SLC25A28: variants seen among roughly 807,000 people sequenced by gnomAD.
The protein encoded by SLC25A28 is mitoferrin-2.
Under a neutral mutation model 31.9 loss-of-function variants are expected in SLC25A28, and 10 were observed. The ratio of observed to expected loss-of-function variants is 0.31; its 90% confidence interval spans 0.19 to 0.53. The LOEUF is 0.53. Among genes scored for constraint, SLC25A28 ranks in the 20% least tolerant of loss-of-function variants. The pLI is 0.95. For missense variants in SLC25A28, 256 were observed against 490.3 expected (o/e 0.52, Z 4.51); for synonymous variants, 208 against 203.6 (o/e 1.02, Z -0.19).
At chr10:99,645,111 G>T in the SLC25A28 span, among the ~76,000 whole-genome samples, 1 of 152,262 alleles carries the variant, frequency 6.6e-6, no homozygotes, top group East Asian at 1.9e-4. Context: ...GCCTTGCTAG[G>T]TTGGGGAAGT....
chr10:99,631,920 C>A, the SLC25A28 span, among the ~76,000 whole-genome samples: 1 of 103,636 alleles, frequency 9.6e-6, no homozygotes, highest in East Asian at 3.0e-4. Flanking sequence ...GACGGAGTCT[C>A]GCTCTGTCGC....
In SLC25A28 at chr10:99,610,589, G is replaced by A; in HGVS notation, c.*260C>T. ...GCTTATCCCTCTATAACAGTCTAGA[G>A]CAGGTCATCAGGCCCAGGATGGAGA... is the stretch of plus-strand genomic sequence containing the variant. On this transcript the variant is annotated 3_prime_UTR_variant, in exon 4 of 4. Coordinates refer to ENST00000370495, the MANE Select transcript of SLC25A28 (RefSeq NM_031212.4). 1 of 519,328 alleles carries A rather than the reference G, an allele frequency of 1.9e-6. No individual in the cohort carries two copies. The highest frequency in any genetic ancestry group is 3.5e-6 in the Non-Finnish European group (1 of 287,014). 32.2% of individuals were successfully genotyped at this position (519,328 alleles called of 1,614,324 possible). A position where few individuals can be genotyped will look rare whatever the true frequency, so the allele number is the denominator to read the frequency against.
upstream of SLC25A28, among the ~76,000 whole-genome samples, chr10:99,624,349 G>T (rs946334778): frequency 6.6e-6 from 1 of 151,574 alleles, no homozygotes; most frequent in Non-Finnish European, 1.5e-5. Context: ...TCTTGTCTCA[G>T]CTTCCCAAAG....
In SLC25A28 at chr10:99,613,880, G is replaced by T. The variant is rs1486520422; in HGVS notation, c.336C>A (p.Arg112=). The T allele has an allele frequency of 6.2e-7, 1 of 1,613,382 alleles. No individual in the cohort carries two copies. The highest frequency in any genetic ancestry group is 2.2e-5 in the East Asian group (1 of 44,878). The part of the protein sequence containing the change: ...SLQPDPAARY[R]NVLEALWRII... ...TCCTCCAGAGGGCCTCCAACACATTGCGATAGCGGGCAGCTGGGTCAGGCT... is the reference window on the plus strand; with the variant it reads ...TCCTCCAGAGGGCCTCCAACACATTTCGATAGCGGGCAGCTGGGTCAGGCT... The change falls in exon 2 of 4, where the codon CGC becomes CGA. Residue 112 remains arginine (R), a synonymous_variant. Coordinates refer to ENST00000370495, the MANE Select transcript of SLC25A28 (RefSeq NM_031212.4). This position sits in a 1 kb window ranked among gnomAD's most constrained non-coding sequence, Gnocchi z 4.9.
At chr10:99,622,681 C>A (rs2034818970), upstream of SLC25A28, 5 of 985,478 alleles carry the variant, frequency 5.1e-6, no homozygotes, top group Middle Eastern at 5.2e-4. Context: ...TTTTAGACAT[C>A]TCAGTCGCTT....
At chr10:99,648,175 T>TTA in the SLC25A28 span, among the ~76,000 whole-genome samples, 2 of 151,152 alleles carry the variant, frequency 1.3e-5, no homozygotes, top group African/African-American at 4.9e-5. Flanking sequence ...ATTTTTTTTT[T>TTA]TTGTAGTAGA....
chr10:99,645,611 C>T, the SLC25A28 span, among the ~76,000 whole-genome samples: 1 of 152,242 alleles, frequency 6.6e-6, no homozygotes, highest in African/African-American at 2.4e-5. Flanking sequence ...CGAGGAGCTG[C>T]TTTCCTTTGG....
At chr10:99,626,509 C>T in the SLC25A28 span, among the ~76,000 whole-genome samples, 3 of 152,300 alleles carry the variant, frequency 2.0e-5, no homozygotes, top group African/African-American at 7.2e-5. Context: ...TCCTTTCTCC[C>T]CTTTCTCAAT....
chr10:99,643,352 T>G, the SLC25A28 span, among the ~76,000 whole-genome samples: 1 of 152,136 alleles, frequency 6.6e-6, no homozygotes, highest in Non-Finnish European at 1.5e-5. Context: ...GTTTATTTCC[T>G]TAGAGGTGTT....
At chr10:99,624,143 C>T (rs1168107792), upstream of SLC25A28, among the ~76,000 whole-genome samples, 5 of 34,846 alleles carry the variant, frequency 1.4e-4, no homozygotes, top group Non-Finnish European at 2.2e-4. Flanking sequence ...CCTGTCTTCT[C>T]TTTTTCTTTC....
chr10:99,628,459 C>T, the SLC25A28 span, among the ~76,000 whole-genome samples: 3 of 152,184 alleles, frequency 2.0e-5, no homozygotes, highest in African/African-American at 4.8e-5. Context: ...GCAGTAAAAA[C>T]GTTTTCATTT....
chr10:99,645,966 GC>G, the SLC25A28 span, among the ~76,000 whole-genome samples: 1 of 152,174 alleles, frequency 6.6e-6, no homozygotes, highest in African/African-American at 2.4e-5. Flanking sequence ...GTGTCAGTCG[GC>G]CCCTACTGGG....
At chr10:99,625,618 A>C in the SLC25A28 span, among the ~76,000 whole-genome samples, 831 of 152,286 alleles carry the variant, frequency 5.5e-3, 1 homozygote, top group Admixed American at 0.011. Flanking sequence ...CTCAAGTTTC[A>C]ATTTGGGCAT....
intron 1 of SLC25A28, chr10:99,615,723 C>T (rs998926037): frequency 1.0e-6 from 1 of 985,414 alleles, no homozygotes; most frequent in South Asian, 4.7e-5. Context: ...TTCATAGAGA[C>T]TACGGGTCAT....
chr10:99,641,779 C>A, the SLC25A28 span, among the ~76,000 whole-genome samples: 289 of 147,116 alleles, frequency 2.0e-3, 1 homozygote, highest in East Asian at 0.022. Flanking sequence ...TCAGCTTTCT[C>A]CATATGGCTA....
chr10:99,648,644 C>T, the SLC25A28 span, among the ~76,000 whole-genome samples: 1 of 147,786 alleles, frequency 6.8e-6, no homozygotes. Context: ...TGTAGTTCTC[C>T]TTATAAAGAT....
At chr10:99,634,889 G>T in the SLC25A28 span, among the ~76,000 whole-genome samples, 4 of 152,196 alleles carry the variant, frequency 2.6e-5, no homozygotes, top group Non-Finnish European at 4.4e-5. Flanking sequence ...TAAGAGCTGT[G>T]AGACAAAAGC....
the SLC25A28 span, among the ~76,000 whole-genome samples, chr10:99,640,299 C>T: frequency 6.6e-6 from 1 of 152,188 alleles, no homozygotes; most frequent in Non-Finnish European, 1.5e-5. Flanking sequence ...AGAGAATGCA[C>T]TTCCACAGTG....
the SLC25A28 span, among the ~76,000 whole-genome samples, chr10:99,657,049 G>A: frequency 6.6e-6 from 1 of 152,210 alleles, no homozygotes; most frequent in Non-Finnish European, 1.5e-5. Context: ...ATGAAAAAAT[G>A]TTGGGATTAA....
Sources: gnomAD v4.1 joint callset for allele counts (sites outside exome capture counted in the v4.1 genomes callset) on GRCh38, gnomAD v4.1.1 for gene constraint, Gnocchi (gnomAD v3.1) non-coding constraint, MANE v1.5 for transcripts, NCBI Gene and HGNC (gene_info 2026-07-23, HGNC 2026-07-21) for gene names.